The following COL11A1 variants were observed in gnomAD, a reference collection of about 807,000 sequenced individuals.
COL11A1 encodes collagen alpha-1(XI) chain.
COL11A1 carries 74 observed loss-of-function variants against 265.2 expected under a neutral mutation model. The ratio of observed to expected loss-of-function variants is 0.28; its 90% CI spans 0.23 to 0.34. The LOEUF (loss-of-function observed/expected upper bound fraction) is 0.34. Ranked by LOEUF, COL11A1 falls within the 10% of genes least tolerant of loss-of-function variation. The pLI, the probability that COL11A1 is intolerant of heterozygous loss-of-function variation, is 1.00. For missense variants in COL11A1, 2,165 were observed against 2,263.6 expected, an observed-to-expected ratio of 0.96 and a Z score of 0.88; for synonymous variants, 816 against 727.6, an observed-to-expected ratio of 1.12 and a Z score of -1.96.
intron 4 of COL11A1, among the ~76,000 whole-genome samples, chr1:103,059,230 G>T (rs1205110877): frequency 2.0e-5 from 3 of 152,088 alleles, no homozygotes; most frequent in African/African-American, 7.2e-5. Flanking sequence ...TCTTCCATGT[G>T]GAAGAAGGAA....
intron 7 of COL11A1, among the ~76,000 whole-genome samples, chr1:103,023,382 T>TTTTTGG (rs71592256): frequency 6.6e-6 from 1 of 151,740 alleles, no homozygotes. Flanking sequence ...TTTTTTTTTT[T>TTTTTGG]GAGATGGATG....
At chr1:102,908,582 C>T (rs1227621368) in intron 54 of COL11A1, among the ~76,000 whole-genome samples, 2 of 151,974 alleles carry the variant, frequency 1.3e-5, no homozygotes, top group Non-Finnish European at 2.9e-5. Flanking sequence ...TAATCTTTTT[C>T]CATATAGAAA....
intron 44 of COL11A1, among the ~76,000 whole-genome samples, chr1:102,938,045 AT>A (rs1658330493): frequency 6.6e-6 from 1 of 152,200 alleles, no homozygotes; most frequent in African/African-American, 2.4e-5. Context: ...AAATACTACA[AT>A]TATTACTACA....
rs763472511 is a variant in COL11A1, at chr1:102,883,320, T to C, written c.4859-9A>G. The C allele has an allele frequency of 2.6e-6, 4 of 1,527,800 alleles. No homozygotes were observed. The African/African-American group carries it at 4.1e-5, about 16-fold the overall frequency. 94.6% of individuals were successfully genotyped at this position (1,527,800 alleles called of 1,614,324 possible). A position where few individuals can be genotyped will look rare whatever the true frequency, so the allele number is the denominator to read the frequency against. On this transcript the variant is annotated splice_polypyrimidine_tract_variant and intron_variant, in intron 63 of 66. Coordinates refer to ENST00000370096, the MANE Select transcript of COL11A1 (RefSeq NM_001854.4). The stretch of plus-strand genomic sequence containing the variant: ...ATCAATCCAATATTCACCTAGAAGG[T>C]AGCAAAAAATATGTCATATAAAAAT...
intron 4 of COL11A1, among the ~76,000 whole-genome samples, chr1:103,065,522 C>CAAAAAAAAAAAA (rs138446065): frequency 8.5e-5 from 3 of 35,358 alleles, no homozygotes; most frequent in Admixed American, 5.4e-4. Context: ...GACTCCGTCT[C>CAAAAAAAAAAAA]AAAAAAAAAA....
chr1:102,934,418 G>T, intron 46 of COL11A1, 31 bp downstream of exon 46: 1 of 1,470,808 alleles, frequency 6.8e-7, no homozygotes. Flanking sequence ...AGGTAGAAAT[G>T]ATGGAGTAAA....
intron 28 of COL11A1, among the ~76,000 whole-genome samples, chr1:102,991,605 C>G (rs905559186): frequency 6.6e-6 from 1 of 152,130 alleles, no homozygotes; most frequent in East Asian, 1.9e-4. Context: ...TGGCCGAACA[C>G]AAGAATCCTG....
At chr1:103,021,795 C>G (rs747596927) in intron 8 of COL11A1, 26 bp from the exon 9 acceptor site, 3 of 1,493,426 alleles carry the variant, frequency 2.0e-6, no homozygotes, top group Non-Finnish European at 2.8e-6. Flanking sequence ...TTCAAAACAG[C>G]CTAAATGTCT....
intron 4 of COL11A1, among the ~76,000 whole-genome samples, chr1:103,051,337 A>C (rs890578957): frequency 6.6e-6 from 1 of 152,080 alleles, no homozygotes; most frequent in African/African-American, 2.4e-5. Flanking sequence ...GCCACCTTGC[A>C]GTTTGATCTC....
chr1:102,923,309 C>T (rs761384958), intron 47 of COL11A1, 27 bp downstream of exon 47: 3 of 1,585,640 alleles, frequency 1.9e-6, no homozygotes, highest in South Asian at 2.3e-5. Context: ...AACACATACC[C>T]ATCAAACACC....
chr1:103,056,004 G>C (rs1052175755), intron 4 of COL11A1, among the ~76,000 whole-genome samples: 1 of 152,178 alleles, frequency 6.6e-6, no homozygotes, highest in East Asian at 1.9e-4. Flanking sequence ...TTATAGAAGA[G>C]AGTCAAAATT....
intron 4 of COL11A1, among the ~76,000 whole-genome samples, chr1:103,042,895 C>T (rs1251402809): frequency 1.3e-5 from 2 of 149,330 alleles, no homozygotes; most frequent in Non-Finnish European, 3.0e-5. Flanking sequence ...TACTTGAAGA[C>T]CTAATATAGA....
intron 8 of COL11A1, among the ~76,000 whole-genome samples, 187 bp from the exon 9 acceptor site, chr1:103,021,956 C>T (rs1219708917): frequency 2.0e-5 from 3 of 151,798 alleles, no homozygotes; most frequent in African/African-American, 4.8e-5. Flanking sequence ...ACGCCATTCT[C>T]CTGCCTCAGC....
intron 54 of COL11A1, among the ~76,000 whole-genome samples, chr1:102,902,363 A>C (rs1653320526): frequency 2.0e-5 from 3 of 152,172 alleles, no homozygotes; most frequent in Admixed American, 2.0e-4. Flanking sequence ...TAGCAAAATA[A>C]ACTGCCAAAT....
intron 4 of COL11A1, among the ~76,000 whole-genome samples, chr1:103,060,299 A>G (rs1163918889): frequency 6.6e-6 from 1 of 152,168 alleles, no homozygotes; most frequent in Non-Finnish European, 1.5e-5. Flanking sequence ...TTCTCAGACA[A>G]ACAAAAATTG....
At position 102,967,227 on chromosome 1, in the gene COL11A1, C is replaced by CTTT. The variant is rs35303945; in HGVS notation, c.2863-1690_2863-1688dup. 6.0e-3 allele frequency among the ~76,000 whole-genome samples: 316 copies of CTTT among 52,746 alleles called. 105 individuals are homozygous for CTTT. The highest frequency in any genetic ancestry group is 0.013 in the African/African-American group (157 of 12,464). 34.6% of individuals were successfully genotyped at this position (52,746 alleles called of 152,430 possible). A position where few individuals can be genotyped will look rare whatever the true frequency, so the allele number is the denominator to read the frequency against. On this transcript the variant is annotated intron_variant, in intron 37 of 66. Coordinates refer to ENST00000370096, the MANE Select transcript of COL11A1 (RefSeq NM_001854.4). ...CCCACAAAACCAAACATAATAAATT[C>CTTT]TTTTTTTTTTTTTTTTTTTTTTTTT... is the stretch of plus-strand genomic sequence containing the variant.
At chr1:102,921,044 A>G (rs1655934375) in intron 48 of COL11A1, among the ~76,000 whole-genome samples, 1 of 152,186 alleles carries the variant, frequency 6.6e-6, no homozygotes, top group Non-Finnish European at 1.5e-5. Context: ...AAGCTTGGAG[A>G]ATATCATCTT....
At chr1:103,072,647 A>T (rs1274280757) in intron 4 of COL11A1, among the ~76,000 whole-genome samples, 12 of 151,828 alleles carry the variant, frequency 7.9e-5, no homozygotes, top group Admixed American at 7.9e-4. Context: ...AACTAATTTT[A>T]CAAAATGGTG....
At position 102,996,039 on chromosome 1, in the gene COL11A1, G is replaced by T; in HGVS notation, c.2245C>A (p.Pro749Thr). The change falls in exon 27 of 67, where the codon CCC (proline) becomes ACC (threonine). Residue 749 changes from proline (P) to threonine (T), a missense_variant. Pro to Thr is a conservative substitution (Grantham distance 38, BLOSUM62 -1). Coordinates refer to ENST00000370096, the MANE Select transcript of COL11A1 (RefSeq NM_001854.4). The part of the protein sequence containing the change: ...GQSGEKGALG[P>T]PGPQGPIGYP... ...CCAATAGGACCTTGTGGACCAGGGG[G>T]ACCCTGAAATAGATGAATTACCACT... 3 of 1,613,202 alleles carry T rather than the reference G, an allele frequency of 1.9e-6. No homozygotes were observed. Among genetic ancestry groups the T allele is most frequent in the Non-Finnish European group, 2.5e-6 (3 of 1,179,440 alleles).
Sources: gnomAD v4.1 joint callset for allele counts (sites outside exome capture counted in the v4.1 genomes callset) on GRCh38, gnomAD v4.1.1 for gene constraint, MANE v1.5 for transcripts, NCBI Gene and HGNC (gene_info 2026-07-23, HGNC 2026-07-21) for gene names.